Variants in EYS observed in about 807,000 individuals in gnomAD.
The protein encoded by EYS is protein eyes shut homolog.
In EYS, 250 loss-of-function variants were observed where a neutral mutation model predicts 282.1. That is an observed-to-expected ratio of 0.89 (90% CI 0.80 to 0.98). The LOEUF is 0.98. EYS is among the 50% of genes least tolerant of loss of function. EYS has a pLI of 0.00. For missense variants in EYS, 4,016 were observed against 3,709.0 expected (o/e 1.08, Z -2.15); for synonymous variants, 1,355 against 1,282.9 (o/e 1.06, Z -1.20).
chr6:64,658,664 C>G (rs987060994), intron 22 of EYS, among the ~76,000 whole-genome samples: 2 of 152,192 alleles, frequency 1.3e-5, no homozygotes, highest in Non-Finnish European at 2.9e-5. Context: ...GGCTGCAGAA[C>G]AGCGGATATT....
chr6:64,749,372 C>G (rs2149968000), intron 22 of EYS, among the ~76,000 whole-genome samples: 1 of 152,224 alleles, frequency 6.6e-6, no homozygotes, highest in South Asian at 2.1e-4. Flanking sequence ...CCTATGCCTT[C>G]TAATATCAAA....
chr6:63,983,368 G>A (rs1045149136), intron 35 of EYS, among the ~76,000 whole-genome samples: 2 of 151,354 alleles, frequency 1.3e-5, no homozygotes, highest in Non-Finnish European at 1.5e-5. Flanking sequence ...TTCTGTGATT[G>A]GTAAATATAT....
At chr6:65,556,463 T>C (rs1322742380) in intron 2 of EYS, among the ~76,000 whole-genome samples, 1 of 150,724 alleles carries the variant, frequency 6.6e-6, no homozygotes, top group Non-Finnish European at 1.5e-5. Context: ...GATCCTCTTT[T>C]AGTGATATTA....
At chr6:64,599,981 C>T (rs370107764) in intron 24 of EYS, among the ~76,000 whole-genome samples, 14 of 152,142 alleles carry the variant, frequency 9.2e-5, no homozygotes, top group African/African-American at 3.4e-4. Flanking sequence ...TTTCTATTAT[C>T]TCAATGACTT....
chr6:64,095,178 G>A (rs1207535954), intron 31 of EYS, among the ~76,000 whole-genome samples: 1 of 152,182 alleles, frequency 6.6e-6, no homozygotes, highest in Non-Finnish European at 1.5e-5. Flanking sequence ...TTCCAACCAT[G>A]TGGTCAATTT....
chr6:64,610,695 C>A (rs1582951829), intron 24 of EYS, among the ~76,000 whole-genome samples: 1 of 152,074 alleles, frequency 6.6e-6, no homozygotes, highest in South Asian at 2.1e-4. Context: ...TGAGCCACTG[C>A]AACAAGCAAG....
At position 65,162,910 on chromosome 6, in the gene EYS, T is replaced by TG. The variant is rs1491475588; in HGVS notation, c.2024-105184_2024-105183insC. On this transcript the variant is annotated intron_variant, in intron 12 of 42. Transcript: ENST00000503581. ...CACTGCAACAAGGCCTCCTGTTCTG[T>TG]TTGTGTGTGTGTGTGTGTGTGTGTG... Among the ~76,000 whole-genome samples the TG allele has an allele frequency of 1.1e-4, 9 of 80,924 alleles. No individual in the cohort carries two copies. The East Asian group carries it at 1.3e-3, about 12-fold the overall frequency. 53.1% of individuals were successfully genotyped at this position (80,924 alleles called of 152,430 possible).
At position 65,410,588 on chromosome 6, in the gene EYS, A is replaced by G. The variant is rs182966687; in HGVS notation, c.863-5221T>C. Among the ~76,000 whole-genome samples, 60 of 145,716 alleles carry G rather than the reference A, an allele frequency of 4.1e-4. No individual in the cohort carries two copies. The East Asian group carries it at 0.011, about 28-fold the overall frequency. ...CTCTAGTAACCACTGTCCTACTTCT[A>G]TGATACTAGCTTTTTTTTTTTTTTT... On this transcript the variant is annotated intron_variant, in intron 5 of 42. Transcript: ENST00000503581.
rs9294633 is a variant in EYS, at chr6:65,116,564, C to A, written c.2024-58837G>T. On this transcript the variant is annotated intron_variant, in intron 12 of 42. Coordinates refer to ENST00000503581, the MANE Select transcript of EYS (RefSeq NM_001142800.2). ...CTGGAGCAAGATGCTGGCTATTGAACGTGACAAGGAACTGCTTATGGCTCC... is the reference window on the plus strand; with the variant it reads ...CTGGAGCAAGATGCTGGCTATTGAAAGTGACAAGGAACTGCTTATGGCTCC... Among the ~76,000 whole-genome samples the A allele has an allele frequency of 2.0e-5, 3 of 151,920 alleles. No homozygotes were observed. In the South Asian group the frequency reaches 6.2e-4, roughly 32 times the overall value.
At chr6:65,532,709 A>C (rs1767818621) in intron 2 of EYS, among the ~76,000 whole-genome samples, 1 of 152,162 alleles carries the variant, frequency 6.6e-6, no homozygotes, top group Admixed American at 6.6e-5. Context: ...AGAGATTAGA[A>C]ATGATTCTAA....
chr6:64,209,517 T>C (rs1765699145), intron 31 of EYS, among the ~76,000 whole-genome samples: 1 of 152,218 alleles, frequency 6.6e-6, no homozygotes, highest in African/African-American at 2.4e-5. Context: ...ATCTGCATAA[T>C]GGCCATGCAA....
chr6:64,159,206 C>T (rs113787306), intron 31 of EYS, among the ~76,000 whole-genome samples: 16,957 of 152,040 alleles, frequency 0.11, 1,833 homozygotes, highest in African/African-American at 0.29. Flanking sequence ...ATACCTAATA[C>T]AATGTAAATG....
At chr6:65,149,826 A>G (rs1764568393) in intron 12 of EYS, among the ~76,000 whole-genome samples, 2 of 152,114 alleles carry the variant, frequency 1.3e-5, no homozygotes, top group Admixed American at 6.6e-5. Context: ...TCACACTGCT[A>G]TGAAGAAATA....
intron 28 of EYS, among the ~76,000 whole-genome samples, chr6:64,434,880 T>G (rs897122591): frequency 6.6e-6 from 1 of 152,050 alleles, no homozygotes; most frequent in African/African-American, 2.4e-5. Context: ...ACAGCTTCTG[T>G]GGGTTTTCCC....
At chr6:64,844,379 A>G (rs12195234) in intron 19 of EYS, among the ~76,000 whole-genome samples, 82,868 of 148,954 alleles carry the variant, frequency 0.56, 23,807 homozygotes, top group Non-Finnish European at 0.62. Flanking sequence ...TTTGAGTAGA[A>G]GCATAGTTTC....
At chr6:64,657,451 G>T (rs1768792572) in intron 22 of EYS, among the ~76,000 whole-genome samples, 1 of 152,160 alleles carries the variant, frequency 6.6e-6, no homozygotes, top group South Asian at 2.1e-4. Context: ...TCCTAGCATT[G>T]ATGGTCTTTA....
chr6:65,637,380 G>A (rs894365706), intron 2 of EYS, among the ~76,000 whole-genome samples: 8 of 152,290 alleles, frequency 5.3e-5, no homozygotes, highest in Non-Finnish European at 7.3e-5. Context: ...TGGAAGTGAC[G>A]ACCAGTGTGG....
intron 33 of EYS, among the ~76,000 whole-genome samples, chr6:64,035,134 G>T (rs1423263342): frequency 6.6e-6 from 1 of 152,050 alleles, no homozygotes; most frequent in African/African-American, 2.4e-5. Context: ...AGACTTATCT[G>T]GTCCTTAGTG....
At chr6:64,929,317 A>G (rs1768628560) in intron 15 of EYS, among the ~76,000 whole-genome samples, 1 of 152,120 alleles carries the variant, frequency 6.6e-6, no homozygotes, top group African/African-American at 2.4e-5. Flanking sequence ...TACAATTACT[A>G]TGATGCCTGA....
Sources: gnomAD v4.1 joint callset for allele counts (sites outside exome capture counted in the v4.1 genomes callset) on GRCh38, gnomAD v4.1.1 for gene constraint, MANE v1.5 for transcripts, NCBI Gene and HGNC (gene_info 2026-07-23, HGNC 2026-07-21) for gene names.